The following CT45A1 variants were observed in gnomAD, a reference collection of about 807,000 sequenced individuals.
The protein encoded by CT45A1 is cancer/testis antigen family 45 member A1.
upstream of CT45A1, among the ~76,000 whole-genome samples, chrX:135,712,880 T>G (rs1156452527): frequency 1.8e-5 from 2 of 110,618 alleles, no homozygotes; most frequent in African/African-American, 6.6e-5. Flanking sequence ...AGTTTGTTGA[T>G]GTTGTCGTTT....
intron 1 of CT45A1, among the ~76,000 whole-genome samples, chrX:135,718,346 G>C (rs782196961): frequency 1.8e-5 from 2 of 111,003 alleles, no homozygotes; most frequent in Admixed American, 1.9e-4. Flanking sequence ...GGTGATATTG[G>C]CTTGTATTTT....
At chrX:135,713,177 A>G (rs1403968325), upstream of CT45A1, among the ~76,000 whole-genome samples, 2 of 100,037 alleles carry the variant, frequency 2.0e-5, no homozygotes, top group African/African-American at 7.4e-5. Context: ...AGTTGGGACC[A>G]CAGGCGCCCG....
At chrX:135,713,261 C>T (rs1318115903), upstream of CT45A1, among the ~76,000 whole-genome samples, 1 of 102,829 alleles carries the variant, frequency 9.7e-6, no homozygotes, top group Non-Finnish European at 2.0e-5. Flanking sequence ...GAGCCGGGGT[C>T]TCACTATGTT....
intron 1 of CT45A1, among the ~76,000 whole-genome samples, chrX:135,715,427 A>T (rs1391305703): frequency 2.5e-5 from 2 of 81,064 alleles, no homozygotes; most frequent in African/African-American, 9.7e-5. Flanking sequence ...ACTTATATAT[A>T]TAATACTTAT....
the CT45A1 span, among the ~76,000 whole-genome samples, chrX:135,708,575 C>T: frequency 9.0e-6 from 1 of 110,917 alleles, no homozygotes; most frequent in Non-Finnish European, 1.9e-5. Context: ...CCTTGGGCAC[C>T]TTGTCTTCGC....
chrX:135,717,464 G>C (rs1860619520), intron 1 of CT45A1, among the ~76,000 whole-genome samples: 1 of 110,577 alleles, frequency 9.0e-6, no homozygotes, highest in African/African-American at 3.3e-5. Context: ...CAGGAGAATT[G>C]CTTGAACTCA....
chrX:135,713,326 T>C (rs1453795289), upstream of CT45A1: 1 of 154,787 alleles, frequency 6.5e-6, no homozygotes, highest in African/African-American at 3.3e-5. Context: ...TCTGCTTATG[T>C]TGCTGTGCAG....
intron 1 of CT45A1, among the ~76,000 whole-genome samples, chrX:135,715,118 AT>A (rs1556570813): frequency 2.0e-5 from 2 of 101,560 alleles, no homozygotes; most frequent in East Asian, 6.0e-4. Flanking sequence ...GATTCTCTTA[AT>A]TTTATTAGTC....
At chrX:135,710,902 C>T (rs150260177), upstream of CT45A1, among the ~76,000 whole-genome samples, 5,876 of 111,814 alleles carry the variant, frequency 0.053, 133 homozygotes, top group East Asian at 0.081. Flanking sequence ...CATGTGTCCT[C>T]AATGTCCCTG....
chrX:135,715,125 TAGTC>T (rs1180561874), intron 1 of CT45A1, among the ~76,000 whole-genome samples: 1 of 101,572 alleles, frequency 9.8e-6, no homozygotes, highest in Non-Finnish European at 2.0e-5. Flanking sequence ...TTAATTTTAT[TAGTC>T]AGTGTATTAT....
At chrX:135,712,933 CT>C (rs1192137434), upstream of CT45A1, among the ~76,000 whole-genome samples, 10 of 81,961 alleles carry the variant, frequency 1.2e-4, no homozygotes, top group South Asian at 7.8e-4. Flanking sequence ...CTTTTCTTTT[CT>C]TTTTTTCTTT....
At chrX:135,709,639 T>C (rs2087924749), upstream of CT45A1, among the ~76,000 whole-genome samples, 4 of 111,840 alleles carry the variant, frequency 3.6e-5, no homozygotes, top group Admixed American at 3.8e-4. Flanking sequence ...CATGTTCTCA[T>C]TCATATGTGG....
chrX:135,710,904 A>G (rs2489993), upstream of CT45A1, among the ~76,000 whole-genome samples: 21,413 of 111,134 alleles, frequency 0.19, 1,668 homozygotes, highest in Non-Finnish European at 0.24. Flanking sequence ...TGTGTCCTCA[A>G]TGTCCCTGAC....
upstream of CT45A1, among the ~76,000 whole-genome samples, chrX:135,711,532 T>A (rs1470601779): frequency 9.0e-6 from 1 of 111,249 alleles, no homozygotes. Flanking sequence ...CCTCCCAGGT[T>A]CAAGTGATTC....
At chrX:135,710,529 G>A (rs1398885474), upstream of CT45A1, among the ~76,000 whole-genome samples, 1 of 111,801 alleles carries the variant, frequency 8.9e-6, no homozygotes. Context: ...TTGGAGTCTG[G>A]TGCTAAATTG....
chrX:135,717,247 G>C (rs1200005735), intron 1 of CT45A1, among the ~76,000 whole-genome samples: 2 of 111,784 alleles, frequency 1.8e-5, no homozygotes, highest in African/African-American at 3.3e-5. Context: ...TTTTAATAAT[G>C]TCTTTTAATA....
At chrX:135,717,882 A>G (rs7473068) in intron 1 of CT45A1, among the ~76,000 whole-genome samples, 2 of 111,799 alleles carry the variant, frequency 1.8e-5, no homozygotes, top group East Asian at 2.8e-4. Flanking sequence ...TGACAGTTTT[A>G]TTTCTTTCCA....
At chrX:135,718,434 A>C (rs181751375) in intron 1 of CT45A1, among the ~76,000 whole-genome samples, 2 of 110,513 alleles carry the variant, frequency 1.8e-5, no homozygotes, top group East Asian at 2.8e-4. Flanking sequence ...ATCTTCTAAT[A>C]AGAGTTCCTA....
At chrX:135,717,910 A>G (rs2088001538) in intron 1 of CT45A1, among the ~76,000 whole-genome samples, 1 of 111,683 alleles carries the variant, frequency 9.0e-6, no homozygotes, top group Non-Finnish European at 1.9e-5. Flanking sequence ...AACCTATTGT[A>G]TTTTCCTGAT....
Sources: gnomAD v4.1 joint callset for allele counts (sites outside exome capture counted in the v4.1 genomes callset) on GRCh38, gnomAD v4.1.1 for gene constraint, MANE v1.5 for transcripts, NCBI Gene and HGNC (gene_info 2026-07-23, HGNC 2026-07-21) for gene names.